The following MACROD2 variants were observed in gnomAD, a reference collection of about 807,000 sequenced individuals.
MACROD2 encodes the protein ADP-ribose glycohydrolase MACROD2.
Under a neutral mutation model 70.4 loss-of-function variants are expected in MACROD2, and 36 were observed. The observed-to-expected ratio is 0.51, with a 90% CI of 0.39 to 0.68. The LOEUF is 0.68. MACROD2 is among the 30% of genes least tolerant of loss of function. The probability of loss-of-function intolerance (pLI) is 0.00; values close to 1 mark genes in which losing one functional copy is unlikely to be tolerated. For missense variants in MACROD2, 496 were observed against 538.4 expected, an observed-to-expected ratio of 0.92 and a Z score of 0.78; for synonymous variants, 172 against 178.8, an observed-to-expected ratio of 0.96 and a Z score of 0.30.
chr20:15,586,034 C>T (rs2048596000), intron 8 of MACROD2, among the ~76,000 whole-genome samples: 2 of 152,162 alleles, frequency 1.3e-5, no homozygotes, highest in Admixed American at 1.3e-4. Context: ...TCTTAGCACC[C>T]TCCTAGCCAC....
chr20:15,854,013 A>G (rs1214553000), intron 8 of MACROD2, among the ~76,000 whole-genome samples: 1 of 152,154 alleles, frequency 6.6e-6, no homozygotes, highest in Non-Finnish European at 1.5e-5. Context: ...GGGAGGCTGA[A>G]GTTCAAAACA....
chr20:15,952,264 A>G (rs1216490710), intron 12 of MACROD2, among the ~76,000 whole-genome samples: 1 of 152,182 alleles, frequency 6.6e-6, no homozygotes, highest in Non-Finnish European at 1.5e-5. Flanking sequence ...AGACTAATAC[A>G]TAATGAGACA....
At chr20:15,158,102 T>C (rs2076322003) in intron 5 of MACROD2, among the ~76,000 whole-genome samples, 1 of 152,210 alleles carries the variant, frequency 6.6e-6, no homozygotes, top group African/African-American at 2.4e-5. Flanking sequence ...TTTATCACTT[T>C]ATTTTGAATC....
chr20:15,599,786 T>C (rs1164021629), intron 8 of MACROD2, among the ~76,000 whole-genome samples: 2 of 152,162 alleles, frequency 1.3e-5, no homozygotes, highest in African/African-American at 4.8e-5. Flanking sequence ...TAAGGTAACA[T>C]ACAACTCCAG....
intron 4 of MACROD2, among the ~76,000 whole-genome samples, chr20:14,584,859 T>C (rs545303316): frequency 6.6e-6 from 1 of 152,334 alleles, no homozygotes; most frequent in East Asian, 1.9e-4. Flanking sequence ...CTGTACTAGT[T>C]ACTTATTAAA....
In MACROD2 at chr20:14,909,405, A is replaced by G. The variant is rs551610167; in HGVS notation, c.418+224446A>G. 5.9e-5 allele frequency among the ~76,000 whole-genome samples: 9 copies of G among 152,236 alleles called. No individual in the cohort carries two copies. In the South Asian group the frequency reaches 6.2e-4, roughly 11 times the overall value. On this transcript the variant is annotated intron_variant, in intron 5 of 17. Transcript: ENST00000684519. ...TGACATTCATCAAGCTAATAGGCCT[A>G]TCGTTTATTGCAAACTACCTGAGGT...
At chr20:14,105,113 GC>G (rs1413675501) in intron 3 of MACROD2, among the ~76,000 whole-genome samples, 2 of 152,062 alleles carry the variant, frequency 1.3e-5, no homozygotes, top group Non-Finnish European at 1.5e-5. Flanking sequence ...CTGAATAGAA[GC>G]CCACACCATT....
chr20:15,063,547 A>T (rs1301692003), intron 5 of MACROD2, among the ~76,000 whole-genome samples: 1 of 152,172 alleles, frequency 6.6e-6, no homozygotes, highest in East Asian at 1.9e-4. Context: ...TCCTCTGGGT[A>T]CATCATGTTT....
At chr20:15,576,064 A>G (rs759360168) in intron 8 of MACROD2, among the ~76,000 whole-genome samples, 7 of 152,324 alleles carry the variant, frequency 4.6e-5, no homozygotes, top group Non-Finnish European at 1.0e-4. Context: ...AGTAACAACC[A>G]TGAGGTTTAG....
chr20:14,513,848 T>C (rs941163105), intron 4 of MACROD2, among the ~76,000 whole-genome samples: 3 of 152,104 alleles, frequency 2.0e-5, no homozygotes. Context: ...TACATAGTTT[T>C]AGTTCTTACA....
At chr20:14,198,133 C>G (rs556325201) in intron 3 of MACROD2, among the ~76,000 whole-genome samples, 2 of 148,262 alleles carry the variant, frequency 1.3e-5, no homozygotes, top group East Asian at 3.9e-4. Context: ...TTTGTGTGTG[C>G]GTGAGAGAGA....
intron 5 of MACROD2, among the ~76,000 whole-genome samples, chr20:14,808,693 T>C (rs2122165548): frequency 6.6e-6 from 1 of 151,562 alleles, no homozygotes; most frequent in South Asian, 2.1e-4. Flanking sequence ...GAGACCCATC[T>C]CATGTGCAAA....
intron 2 of MACROD2, among the ~76,000 whole-genome samples, chr20:14,030,879 A>G (rs950753172): frequency 6.6e-6 from 1 of 151,906 alleles, no homozygotes; most frequent in Non-Finnish European, 1.5e-5. Flanking sequence ...GATTCTTTGT[A>G]TACTTTTGGG....
intron 4 of MACROD2, among the ~76,000 whole-genome samples, chr20:14,644,564 AT>A (rs1387760436): frequency 1.3e-5 from 2 of 152,114 alleles, no homozygotes; most frequent in African/African-American, 4.8e-5. Context: ...TATCATTGCA[AT>A]TTGCCAAAAC....
At chr20:14,202,558 CTTAT>C (rs1190950898) in intron 3 of MACROD2, among the ~76,000 whole-genome samples, 1 of 152,068 alleles carries the variant, frequency 6.6e-6, no homozygotes, top group Admixed American at 6.6e-5. Flanking sequence ...CTTACTTTTG[CTTAT>C]TTATTTTTAT....
At chr20:14,427,706 G>A (rs1486182151) in intron 3 of MACROD2, among the ~76,000 whole-genome samples, 1 of 151,950 alleles carries the variant, frequency 6.6e-6, no homozygotes. Flanking sequence ...TTTTTAATGT[G>A]CAAAGGTCTG....
chr20:15,804,634 G>C (rs2063753239), intron 8 of MACROD2, among the ~76,000 whole-genome samples: 1 of 152,132 alleles, frequency 6.6e-6, no homozygotes, highest in African/African-American at 2.4e-5. Context: ...GTTTACAGTG[G>C]ATAGGACTCT....
chr20:15,042,256 T>C (rs571866426), intron 5 of MACROD2, among the ~76,000 whole-genome samples: 10 of 152,212 alleles, frequency 6.6e-5, no homozygotes, highest in African/African-American at 2.4e-4. Flanking sequence ...AAAAAAAAGG[T>C]ATAAATCCTA....
At chr20:15,609,335 G>A in intron 8 of MACROD2, among the ~76,000 whole-genome samples, 1 of 152,204 alleles carries the variant, frequency 6.6e-6, no homozygotes, top group Non-Finnish European at 1.5e-5. Context: ...AAGGCATACG[G>A]TGCATTCATT....
Sources: allele counts gnomAD v4.1 joint callset (sites outside exome capture counted in the v4.1 genomes callset), GRCh38; gene constraint gnomAD v4.1.1; transcripts MANE v1.5; gene names NCBI Gene and HGNC (gene_info 2026-07-23, HGNC 2026-07-21).